The following DCPH1 variants were observed in gnomAD, a reference collection of about 807,000 sequenced individuals.
The protein encoded by DCPH1 is damage-control phosphatase 1.
the DCPH1 span, among the ~76,000 whole-genome samples, chr6:151,455,693 C>T: frequency 6.6e-6 from 1 of 152,174 alleles, no homozygotes; most frequent in East Asian, 1.9e-4. Flanking sequence ...CAGATGCCTT[C>T]CTCTTGTCTC....
the DCPH1 span, chr6:151,464,738 G>GTT: frequency 1.6e-6 from 1 of 633,254 alleles, no homozygotes; most frequent in Non-Finnish European, 2.5e-6. Context: ...TTATCTAGTG[G>GTT]TGTTAAAAGA....
the DCPH1 span, chr6:151,452,575 A>T: frequency 5.0e-6 from 8 of 1,611,280 alleles, no homozygotes; most frequent in Non-Finnish European, 6.8e-6. Context: ...CTCTCTCAGG[A>T]CAGGACGTGG....
the DCPH1 span, among the ~76,000 whole-genome samples, chr6:151,462,319 G>C: frequency 6.6e-6 from 1 of 152,142 alleles, no homozygotes; most frequent in East Asian, 1.9e-4. Context: ...GACCCCAAAA[G>C]TCCACTTTGA....
At chr6:151,461,128 G>A in the DCPH1 span, among the ~76,000 whole-genome samples, 11 of 152,192 alleles carry the variant, frequency 7.2e-5, no homozygotes, top group Admixed American at 4.6e-4. Context: ...TCTGAAATTC[G>A]GGGTGATGGT....
the DCPH1 span, among the ~76,000 whole-genome samples, chr6:151,462,590 T>A: frequency 2.6e-5 from 4 of 152,228 alleles, no homozygotes; most frequent in African/African-American, 4.8e-5. Context: ...GATGGATATT[T>A]GAGTACTTTT....
the DCPH1 span, chr6:151,464,450 T>C: frequency 2.5e-5 from 40 of 1,598,282 alleles, no homozygotes; most frequent in Non-Finnish European, 3.0e-5. Context: ...TCTCCTACTT[T>C]AGTCCACCAA....
chr6:151,458,147 A>T, the DCPH1 span, among the ~76,000 whole-genome samples: 1 of 152,200 alleles, frequency 6.6e-6, no homozygotes, highest in Non-Finnish European at 1.5e-5. Context: ...GATTATGTTC[A>T]TATGAGATCT....
chr6:151,452,900 C>T, the DCPH1 span: 1 of 289,332 alleles, frequency 3.5e-6, no homozygotes. Flanking sequence ...TAAAATTCTG[C>T]GTAAGAGTTG....
At chr6:151,457,735 G>A in the DCPH1 span, among the ~76,000 whole-genome samples, 1 of 150,838 alleles carries the variant, frequency 6.6e-6, no homozygotes. Flanking sequence ...TATTATATAC[G>A]TGTCTTATTA....
chr6:151,454,056 TAGAC>T, the DCPH1 span, among the ~76,000 whole-genome samples: 7 of 152,198 alleles, frequency 4.6e-5, no homozygotes, highest in Middle Eastern at 3.4e-3. Flanking sequence ...ACTTAGAAAA[TAGAC>T]AGAATGGAGA....
chr6:151,453,641 A>G, the DCPH1 span, among the ~76,000 whole-genome samples: 1 of 152,322 alleles, frequency 6.6e-6, no homozygotes, highest in African/African-American at 2.4e-5. Flanking sequence ...CCAAGTTACA[A>G]TCTAGTAATT....
the DCPH1 span, chr6:151,452,611 A>G: frequency 3.1e-6 from 5 of 1,594,990 alleles, no homozygotes; most frequent in South Asian, 1.1e-5. Flanking sequence ...TCTCCTCCCC[A>G]CTTTTGCGGA....
chr6:151,467,177 G>C, the DCPH1 span, among the ~76,000 whole-genome samples: 4 of 151,682 alleles, frequency 2.6e-5, no homozygotes, highest in Admixed American at 2.6e-4. Context: ...GCTTGAACCC[G>C]TGAGGCAGAG....
the DCPH1 span, chr6:151,468,229 G>A: frequency 6.1e-6 from 4 of 658,628 alleles, no homozygotes; most frequent in Admixed American, 1.2e-4. Context: ...GTCATGTAAA[G>A]AGTTTTGTAG....
At chr6:151,458,303 A>C in the DCPH1 span, 1 of 1,602,138 alleles carries the variant, frequency 6.2e-7, no homozygotes, top group South Asian at 1.1e-5. Context: ...CACACACACA[A>C]TTTATTTTTC....
the DCPH1 span, chr6:151,452,567 C>T: frequency 6.2e-7 from 1 of 1,611,780 alleles, no homozygotes; most frequent in South Asian, 1.1e-5. Context: ...CCCGGCGTCT[C>T]TCTCAGGACA....
the DCPH1 span, chr6:151,452,936 G>A: frequency 4.1e-6 from 1 of 241,146 alleles, no homozygotes; most frequent in Non-Finnish European, 7.9e-6. Flanking sequence ...TTAAGAAACG[G>A]GTTTCTCCCT....
chr6:151,456,867 A>G, the DCPH1 span, among the ~76,000 whole-genome samples: 1 of 152,238 alleles, frequency 6.6e-6, no homozygotes, highest in Non-Finnish European at 1.5e-5. Context: ...TCTAAAATGT[A>G]GTAATTAATG....
At chr6:151,465,158 G>C in the DCPH1 span, among the ~76,000 whole-genome samples, 1 of 152,212 alleles carries the variant, frequency 6.6e-6, no homozygotes, top group South Asian at 2.1e-4. Context: ...CGGGTATTCA[G>C]TTGGCCCATT....
Sources: allele counts gnomAD v4.1 joint callset (sites outside exome capture counted in the v4.1 genomes callset), GRCh38; gene constraint gnomAD v4.1.1; transcripts MANE v1.5; gene names NCBI Gene and HGNC (gene_info 2026-07-23, HGNC 2026-07-21).